The following EWSR1 variants were observed in gnomAD, a reference collection of about 807,000 sequenced individuals.
EWSR1 encodes RNA-binding protein EWS.
In EWSR1, 14 loss-of-function variants were observed where a neutral mutation model predicts 92.1. The ratio of observed to expected loss-of-function variants is 0.15; its 90% CI spans 0.10 to 0.24. The LOEUF (loss-of-function observed/expected upper bound fraction) is 0.24. Ranked by LOEUF, EWSR1 falls within the 10% of genes least tolerant of loss-of-function variation. EWSR1 has a pLI of 1.00. For synonymous variants in EWSR1, 303 were observed against 292.9 expected (o/e 1.03, Z -0.35); for missense variants, 637 against 870.9 (o/e 0.73, Z 3.38).
intron 7 of EWSR1, among the ~76,000 whole-genome samples, chr22:29,287,389 G>T (rs893963176): frequency 6.6e-6 from 1 of 152,034 alleles, no homozygotes; most frequent in African/African-American, 2.4e-5. Flanking sequence ...TGTATTTTTC[G>T]TAGAGACGGG....
At position 29,298,762 on chromosome 22, in the gene EWSR1, C is replaced by T. The variant is rs781417091; in HGVS notation, c.1447C>T (p.Pro483Ser). 1.2e-6 allele frequency: 2 copies of T among 1,613,660 alleles called. No homozygotes were observed. The highest frequency in any genetic ancestry group is 3.3e-5 in the Admixed American group (2 of 60,004). The change falls in exon 14 of 17, where the codon CCC (proline) becomes TCC (serine). Residue 483 changes from proline (P) to serine (S), a missense_variant. By Grantham distance (74) the Pro-to-Ser change is moderately conservative (BLOSUM62 -1). Around this residue, in one of 5 missense-constraint regions of EWSR1, gnomAD observed 363 missense variants for 447.8 expected, o/e 0.81. Transcript: ENST00000397938. ...GPGGPGGPGGPMGRMGGRGGD... is the reference protein window; with the variant it reads ...GPGGPGGPGGSMGRMGGRGGD... ...AGGAGGCCCAGGAGGTCCTGGGGGA[C>T]CCATGGGTCGCATGGGAGGCCGTGG...
At chr22:29,292,713 ACTT>A (rs1428513281) in intron 11 of EWSR1, 107 bp downstream of exon 11, 4 of 638,490 alleles carry the variant, frequency 6.3e-6, no homozygotes, top group Non-Finnish European at 1.1e-5. Flanking sequence ...CCTTTGCCTG[ACTT>A]CTTTCTAGGT....
At chr22:29,292,347 A>G in intron 10 of EWSR1, 141 bp from the exon 11 acceptor site, 1 of 923,244 alleles carries the variant, frequency 1.1e-6, no homozygotes, top group South Asian at 1.5e-5. Flanking sequence ...AAGTAAACCA[A>G]AAGTTTGATA....
intron 11 of EWSR1, among the ~76,000 whole-genome samples, chr22:29,293,914 C>G (rs915302513): frequency 2.0e-5 from 3 of 151,952 alleles, no homozygotes; most frequent in Admixed American, 6.6e-5. Context: ...AGTCTCACTC[C>G]TTCACCCGGC....
At chr22:29,282,760 CTTTTTTT>C (rs1228739280) in intron 6 of EWSR1, among the ~76,000 whole-genome samples, 7 of 142,474 alleles carry the variant, frequency 4.9e-5, no homozygotes, top group South Asian at 4.5e-4. Flanking sequence ...ATTCTTTTTT[CTTTTTTT>C]TTTTTTTTCC....
intron 8 of EWSR1, chr22:29,291,012 G>A (rs192289615): frequency 8.5e-6 from 2 of 236,416 alleles, no homozygotes; most frequent in East Asian, 6.0e-5. Context: ...AAATCTATTC[G>A]TGCCCTGAGA....
At chr22:29,269,909 C>T (rs1321915636) in intron 1 of EWSR1, among the ~76,000 whole-genome samples, 1 of 152,220 alleles carries the variant, frequency 6.6e-6, no homozygotes, top group Admixed American at 6.5e-5. Context: ...CTACCATGTG[C>T]TGTACTGTAT....
intron 13 of EWSR1, among the ~76,000 whole-genome samples, chr22:29,298,506 C>CAAAA (rs1262710258): frequency 8.6e-6 from 1 of 116,682 alleles, no homozygotes; most frequent in African/African-American, 3.8e-5. Context: ...GACTCCGTCT[C>CAAAA]CAAAAAAAAA....
At chr22:29,298,931 G>A in intron 14 of EWSR1, 36 bp downstream of exon 14, 1 of 1,517,276 alleles carries the variant, frequency 6.6e-7, no homozygotes, top group Non-Finnish European at 8.8e-7. Context: ...TACCCTACGA[G>A]TGAAGCCACC....
At chr22:29,272,313 T>C in intron 2 of EWSR1, 61 bp downstream of exon 2, 1 of 1,610,586 alleles carries the variant, frequency 6.2e-7, no homozygotes, top group Non-Finnish European at 8.5e-7. Flanking sequence ...ATATGGAGCC[T>C]TCTATAATTG....
rs1219227997 is a variant in EWSR1 at position 29,268,486 on chromosome 22, G to A, written c.13+137G>A. The A allele has an allele frequency of 2.7e-6, 4 of 1,506,384 alleles. No homozygotes were observed. The African/African-American group carries it at 4.1e-5, about 15-fold the overall frequency. The allele number at this position is 1,506,384 out of a possible 1,614,324, so 93.3% of individuals were successfully genotyped here. A position where few individuals can be genotyped will look rare whatever the true frequency, so the allele number is the denominator to read the frequency against. On this transcript the variant is annotated intron_variant, in intron 1 of 16. Coordinates refer to ENST00000397938, the MANE Select transcript of EWSR1 (RefSeq NM_005243.4). ...TGAGGCACCCGCCGCGGCCCGACGA[G>A]CTCGGGGATCCGCATTCCTCTCCCC... is the stretch of plus-strand genomic sequence containing the variant.
chr22:29,280,862 GTTTTTTTTTTTTTTTTTT>G (rs71196650), intron 5 of EWSR1, among the ~76,000 whole-genome samples: 3,431 of 62,656 alleles, frequency 0.055, 75 homozygotes, highest in Middle Eastern at 0.11. Flanking sequence ...TGTGTGTGTT[GTTTTTTTTTTTTTTTTTT>G]TTTTTTTTTT....
intron 4 of EWSR1, chr22:29,277,292 G>C: frequency 4.4e-6 from 1 of 227,344 alleles, no homozygotes; most frequent in African/African-American, 2.2e-5. Flanking sequence ...ATGGAGCTGA[G>C]TAACTTGATA....
At chr22:29,300,016 TC>T in intron 16 of EWSR1, 105 bp from the exon 17 acceptor site, 5 of 582,484 alleles carry the variant, frequency 8.6e-6, no homozygotes, top group East Asian at 1.3e-4. Context: ...CCTCACCCCT[TC>T]CCATTCTAAC....
intron 5 of EWSR1, among the ~76,000 whole-genome samples, chr22:29,280,416 C>CA (rs1794456397): frequency 6.6e-6 from 1 of 152,132 alleles, no homozygotes; most frequent in Non-Finnish European, 1.5e-5. Context: ...AGCTCTAACT[C>CA]AGTCTGCTGC....
chr22:29,278,343 A>G (rs2059280741), intron 5 of EWSR1, 127 bp downstream of exon 5: 3 of 822,344 alleles, frequency 3.6e-6, no homozygotes, highest in African/African-American at 1.7e-5. Context: ...TCAGATGTTC[A>G]CTGTTAGTAA....
intron 11 of EWSR1, among the ~76,000 whole-genome samples, chr22:29,293,428 A>C (rs1019007413): frequency 2.0e-5 from 3 of 152,244 alleles, no homozygotes; most frequent in Admixed American, 1.3e-4. Flanking sequence ...TATGAACCCC[A>C]TAAACCTCAA....
chr22:29,298,688 T>C (rs1275169903), intron 13 of EWSR1, 45 bp from the exon 14 acceptor site: 2 of 1,610,192 alleles, frequency 1.2e-6, no homozygotes, highest in Non-Finnish European at 8.5e-7. Flanking sequence ...GCAAATTTGG[T>C]GCTACAGAGA....
At chr22:29,284,688 C>T (rs1436297261) in intron 6 of EWSR1, among the ~76,000 whole-genome samples, 1 of 151,274 alleles carries the variant, frequency 6.6e-6, no homozygotes, top group Admixed American at 6.6e-5. Flanking sequence ...GGTACAGTGA[C>T]ACAGTCGTAG....
Sources: allele counts gnomAD v4.1 joint callset (sites outside exome capture counted in the v4.1 genomes callset), GRCh38; gene constraint gnomAD v4.1.1; regional missense constraint gnomAD v4.1.1; transcripts MANE v1.5; gene names NCBI Gene and HGNC (gene_info 2026-07-23, HGNC 2026-07-21).